CEP112: variants seen among roughly 807,000 people sequenced by gnomAD.
CEP112 encodes the protein centrosomal protein 112, also known as centrosomal protein of 112 kDa.
Under a neutral mutation model 153.0 loss-of-function variants are expected in CEP112, and 127 were observed. That is an observed-to-expected ratio of 0.83 (90% confidence interval 0.72 to 0.96). The LOEUF is 0.96. Among genes scored for constraint, CEP112 ranks in the 40% least tolerant of loss-of-function variants. The pLI, the probability that CEP112 is intolerant of heterozygous loss-of-function variation, is 0.00. For synonymous variants in CEP112, 358 were observed against 374.4 expected, an observed-to-expected ratio of 0.96 and a Z score of 0.51; for missense variants, 1,089 against 1,101.2, an observed-to-expected ratio of 0.99 and a Z score of 0.16.
At chr17:65,970,993 A>G (rs1339296840) in intron 17 of CEP112, among the ~76,000 whole-genome samples, 1 of 152,178 alleles carries the variant, frequency 6.6e-6, no homozygotes, top group Admixed American at 6.5e-5. Context: ...AAAACTTTGT[A>G]AAGGGCTTCT....
intron 21 of CEP112, among the ~76,000 whole-genome samples, chr17:65,829,055 G>T: frequency 6.6e-6 from 1 of 151,754 alleles, no homozygotes; most frequent in South Asian, 2.1e-4. Context: ...TGCACCCTAG[G>T]CATCTTGGTA....
At chr17:65,881,153 T>C (rs1358696817) in intron 20 of CEP112, among the ~76,000 whole-genome samples, 4 of 151,764 alleles carry the variant, frequency 2.6e-5, no homozygotes, top group East Asian at 1.9e-4. Context: ...GGAGGCGGAG[T>C]TTGCAGTGAG....
At chr17:65,690,903 T>C (rs1032834498) in intron 23 of CEP112, among the ~76,000 whole-genome samples, 11 of 152,110 alleles carry the variant, frequency 7.2e-5, no homozygotes, top group Non-Finnish European at 1.5e-4. Context: ...GAGCAGGTGC[T>C]GCTTTCATTG....
At chr17:65,995,609 T>C (rs1270650113) in intron 17 of CEP112, among the ~76,000 whole-genome samples, 5 of 152,234 alleles carry the variant, frequency 3.3e-5, no homozygotes, top group African/African-American at 4.8e-5. Flanking sequence ...CGGAGCATTC[T>C]GGGCATTTAG....
chr17:65,938,673 A>C (rs1289000327), intron 18 of CEP112, among the ~76,000 whole-genome samples: 3 of 152,186 alleles, frequency 2.0e-5, no homozygotes, highest in Non-Finnish European at 2.9e-5. Context: ...TATGCTGATG[A>C]CATAAACTAT....
At chr17:65,748,928 T>A (rs1011150085) in intron 22 of CEP112, among the ~76,000 whole-genome samples, 1 of 152,258 alleles carries the variant, frequency 6.6e-6, no homozygotes, top group Non-Finnish European at 1.5e-5. Context: ...ACTCTCGGTC[T>A]GCTTCCCCCA....
chr17:65,648,964 T>C (rs2045586847), intron 24 of CEP112, among the ~76,000 whole-genome samples: 1 of 152,052 alleles, frequency 6.6e-6, no homozygotes, highest in South Asian at 2.1e-4. Context: ...GGCAGAAGAA[T>C]CGCTTGAAGC....
intron 24 of CEP112, among the ~76,000 whole-genome samples, chr17:65,666,656 C>CG (rs1567834333): frequency 6.6e-6 from 1 of 152,146 alleles, no homozygotes; most frequent in African/African-American, 2.4e-5. Flanking sequence ...AAGCAAGTGT[C>CG]GCTCAATTTC....
At chr17:66,053,675 T>A in intron 12 of CEP112, 61 bp downstream of exon 12, 1 of 1,530,912 alleles carries the variant, frequency 6.5e-7, no homozygotes, top group East Asian at 2.3e-5. Context: ...CAGGGAAACA[T>A]GAGGACATGG....
chr17:66,125,679 C>T (rs1485831431), intron 6 of CEP112, among the ~76,000 whole-genome samples: 1 of 151,600 alleles, frequency 6.6e-6, no homozygotes, highest in Admixed American at 6.6e-5. Flanking sequence ...TTAATGAACA[C>T]ATTTCCCTTC....
chr17:66,005,964 G>T (rs1451436599), intron 16 of CEP112, among the ~76,000 whole-genome samples, 195 bp from the exon 17 acceptor site: 1 of 152,042 alleles, frequency 6.6e-6, no homozygotes, highest in Non-Finnish European at 1.5e-5. Flanking sequence ...TGTTCAAAAT[G>T]AATTTCTTGA....
At chr17:66,126,625 C>T (rs1375129670) in intron 6 of CEP112, among the ~76,000 whole-genome samples, 1 of 152,028 alleles carries the variant, frequency 6.6e-6, no homozygotes, top group Non-Finnish European at 1.5e-5. Flanking sequence ...AGAAAAATAT[C>T]ATTGCTAGTT....
Position 66,105,156 on chromosome 17 carries a change from G to T in CEP112, c.643-8524C>A, listed in dbSNP as rs190254667. 3.0e-3 allele frequency among the ~76,000 whole-genome samples: 464 copies of T among 152,290 alleles called. 2 individuals are homozygous for T. The highest frequency in any genetic ancestry group is 0.01 in the African/African-American group (433 of 41,568). ...AAAAGTGGGGGGATGAAGCTGAAGTGTAGAGTTTTTATTAGTTTTCTCTTT... is the reference window on the plus strand; with the variant it reads ...AAAAGTGGGGGGATGAAGCTGAAGTTTAGAGTTTTTATTAGTTTTCTCTTT... On this transcript the variant is annotated intron_variant, in intron 6 of 26. Coordinates refer to ENST00000535342, the MANE Select transcript of CEP112 (RefSeq NM_001199165.4).
intron 23 of CEP112, among the ~76,000 whole-genome samples, chr17:65,696,763 T>A (rs2048378163): frequency 6.6e-6 from 1 of 152,136 alleles, no homozygotes; most frequent in Non-Finnish European, 1.5e-5. Flanking sequence ...CTCTTCTCCC[T>A]ACTTTTGTGT....
chr17:65,878,470 A>G (rs1362060423), intron 20 of CEP112, among the ~76,000 whole-genome samples: 1 of 152,214 alleles, frequency 6.6e-6, no homozygotes, highest in African/African-American at 2.4e-5. Context: ...ACAAAATGAT[A>G]TATGTACAAA....
At chr17:65,759,685 C>T (rs936095872) in intron 21 of CEP112, among the ~76,000 whole-genome samples, 7 of 152,208 alleles carry the variant, frequency 4.6e-5, no homozygotes, top group Admixed American at 4.6e-4. Flanking sequence ...TTTAGGATAT[C>T]AGGCAACAGG....
At chr17:66,157,705 C>CAAAAAA (rs370026993) in intron 4 of CEP112, among the ~76,000 whole-genome samples, 1 of 93,812 alleles carries the variant, frequency 1.1e-5, no homozygotes, top group African/African-American at 4.7e-5. Flanking sequence ...AAATGGAAAG[C>CAAAAAA]AAAAAAAAAA....
chr17:66,173,424 C>T (rs763678791), intron 4 of CEP112, among the ~76,000 whole-genome samples: 8 of 152,120 alleles, frequency 5.3e-5, no homozygotes, highest in Non-Finnish European at 7.3e-5. Flanking sequence ...TTGTTTAAGT[C>T]CAACCAAGCA....
In CEP112 at chr17:65,887,325, T is replaced by C. The variant is rs996452519; in HGVS notation, c.2163+14827A>G. Among the ~76,000 whole-genome samples the C allele has an allele frequency of 2.0e-5, 3 of 152,330 alleles. 1 individual carries two copies. Among genetic ancestry groups the C allele is most frequent in the Admixed American group, 2.0e-4 (3 of 15,294 alleles). On this transcript the variant is annotated intron_variant, in intron 20 of 26. Transcript: ENST00000535342. ...ATGTGAAGGTGTCTAGCACGTAATA[T>C]TGTTCCTTTCTCAAACTACATGATA... is the stretch of plus-strand genomic sequence containing the variant.
Sources: allele counts gnomAD v4.1 joint callset (sites outside exome capture counted in the v4.1 genomes callset), GRCh38; gene constraint gnomAD v4.1.1; transcripts MANE v1.5; gene names NCBI Gene and HGNC (gene_info 2026-07-23, HGNC 2026-07-21).